Variants in TPM4 observed in about 807,000 individuals in gnomAD.
The protein encoded by TPM4 is tropomyosin 4, also known as tropomyosin alpha-4 chain.
Under a neutral mutation model 35.8 loss-of-function variants are expected in TPM4, and 17 were observed. The ratio of observed to expected loss-of-function variants is 0.47; its 90% confidence interval spans 0.32 to 0.71. The LOEUF is 0.71. Ranked by LOEUF, TPM4 falls within the 30% of genes least tolerant of loss-of-function variation. The pLI is 0.03. For missense variants in TPM4, 240 were observed against 320.9 expected (o/e 0.75, Z 1.93); for synonymous variants, 120 against 122.9 (o/e 0.98, Z 0.15).
upstream of TPM4, chr19:16,074,246 T>C (rs1246467473): frequency 6.6e-6 from 1 of 152,234 alleles, no homozygotes; most frequent in Non-Finnish European, 1.5e-5. Context: ...CCAAGGGCTT[T>C]GTCTTTGTCA....
chr19:16,093,361 A>G (rs2090652117), intron 5 of TPM4, among the ~76,000 whole-genome samples, 175 bp from the exon 6 acceptor site: 1 of 151,532 alleles, frequency 6.6e-6, no homozygotes, highest in East Asian at 1.9e-4. Flanking sequence ...AAGCCTGGCT[A>G]ATTTTTGTAT....
chr19:16,095,416 G>T, intron 7 of TPM4: 1 of 1,030,654 alleles, frequency 9.7e-7, no homozygotes, highest in Non-Finnish European at 1.2e-6. Flanking sequence ...GCTTCTAGGA[G>T]CTCCGGTGGC....
intron 1 of TPM4, chr19:16,080,384 T>C (rs1241219417): frequency 2.0e-5 from 4 of 204,820 alleles, no homozygotes; most frequent in Non-Finnish European, 4.0e-5. Flanking sequence ...CTCTGGCACA[T>C]CCCACCTGCT....
At chr19:16,080,164 C>T (rs879916287) in intron 1 of TPM4, 33 of 197,256 alleles carry the variant, frequency 1.7e-4, no homozygotes, top group Admixed American at 3.6e-4. Flanking sequence ...CGCCTTGCCT[C>T]GTAGCCCTGG....
chr19:16,075,688 G>A (rs2090396372), upstream of TPM4: 1 of 198,744 alleles, frequency 5.0e-6, no homozygotes. Context: ...CAGAGAATGA[G>A]ATTGCTTAAC....
intron 1 of TPM4, among the ~76,000 whole-genome samples, chr19:16,079,057 C>T (rs1490429727): frequency 1.3e-5 from 2 of 152,028 alleles, no homozygotes; most frequent in African/African-American, 4.8e-5. Context: ...GGGTGGAACC[C>T]AAAATGACTC....
chr19:16,090,407 C>T (rs530218004), intron 5 of TPM4, among the ~76,000 whole-genome samples: 40 of 151,672 alleles, frequency 2.6e-4, no homozygotes, highest in Middle Eastern at 6.8e-3. Flanking sequence ...CGTGGGCCAC[C>T]GTGCCTGGCT....
chr19:16,078,816 G>A (rs1209950616), intron 1 of TPM4, among the ~76,000 whole-genome samples: 1 of 132,696 alleles, frequency 7.5e-6, no homozygotes, highest in South Asian at 2.5e-4. Flanking sequence ...AAGGAACTAA[G>A]ACCAGGGGTG....
At chr19:16,078,844 A>C (rs1164147575) in intron 1 of TPM4, among the ~76,000 whole-genome samples, 11 of 151,882 alleles carry the variant, frequency 7.2e-5, no homozygotes, top group African/African-American at 2.2e-4. Context: ...AAAAAAAAAA[A>C]AAAAACCTTT....
In TPM4 at chr19:16,067,875, AG is replaced by A; in HGVS notation, c.114+141del. 1.3e-6 allele frequency: 1 copy of A among 783,550 alleles called. No homozygotes were observed. The highest frequency in any genetic ancestry group is 1.8e-5 in the South Asian group (1 of 54,574). The allele number at this position is 783,550 out of a possible 1,614,324, so 48.5% of individuals were successfully genotyped here. On this transcript the variant is annotated intron_variant, in intron 2 of 2. Transcript: ENST00000589897. The surrounding 1 kb of genome is among the most constrained non-coding windows in gnomAD (Gnocchi z 4.1). ...CTGATGCTTTGGCGGAGGAAGAGCG[AG>A]GGGACCATTGCCTTCCTTGGATGGG... is the stretch of plus-strand genomic sequence containing the variant.
At position 16,101,764 on chromosome 19, in the gene TPM4, T is replaced by A. The variant is rs2090765604; in HGVS notation, c.*418T>A. The stretch of plus-strand genomic sequence containing the variant: ...CATAACCTTTTGGGTCAACTGTTGG[T>A]CAAACTATAGGAGAGACCAGGGACC... On this transcript the variant is annotated 3_prime_UTR_variant, in exon 8 of 8. Coordinates refer to ENST00000643579, the MANE Select transcript of TPM4 (RefSeq NM_003290.3). 4.2e-6 allele frequency: 1 copy of A among 236,778 alleles called. No individual in the cohort carries two copies. Among genetic ancestry groups the A allele is most frequent in the South Asian group, 1.5e-4 (1 of 6,740 alleles). 14.7% of individuals were successfully genotyped at this position (236,778 alleles called of 1,614,324 possible). A position where few individuals can be genotyped will look rare whatever the true frequency, so the allele number is the denominator to read the frequency against.
intron 5 of TPM4, among the ~76,000 whole-genome samples, chr19:16,090,142 T>A (rs1324751734): frequency 6.6e-6 from 1 of 151,072 alleles, no homozygotes; most frequent in Non-Finnish European, 1.5e-5. Context: ...AGAGATGAGA[T>A]CTTGCTCTGT....
rs2090309390 is a variant in TPM4, at chr19:16,067,579, A to G, written c.-46A>G. 1 of 1,571,266 alleles carries G rather than the reference A, an allele frequency of 6.4e-7. No homozygotes were observed. Among genetic ancestry groups the G allele is most frequent in the African/African-American group, 1.4e-5 (1 of 73,822 alleles). Reference sequence around the variant, plus strand: ...ACAGCCCCTGACTGCCGCAGCCCCCACAGAGCCCGCCGCGCACCCCACGTC... The same window carrying G: ...ACAGCCCCTGACTGCCGCAGCCCCCGCAGAGCCCGCCGCGCACCCCACGTC... On this transcript the variant is annotated 5_prime_UTR_variant, in exon 2 of 3. Transcript: ENST00000589897. This position sits in a 1 kb window ranked among gnomAD's most constrained non-coding sequence, Gnocchi z 4.1.
rs1243397698 is a variant in TPM4, at chr19:16,101,358, G to A, written c.*12G>A. The A allele has an allele frequency of 2.5e-6, 4 of 1,574,334 alleles. No homozygotes were observed. Among genetic ancestry groups the A allele is most frequent in the Non-Finnish European group, 1.7e-6 (2 of 1,161,210 alleles). On this transcript the variant is annotated 3_prime_UTR_variant, in exon 8 of 8. Transcript: ENST00000643579. ...TTAACTGTATATAAGCAAAACAGAA[G>A]AGTCTTGTTCCAACAGAAACTCTGG...
Position 16,081,933 on chromosome 19 carries a change from C to T in TPM4, c.153C>T (p.Ala51=). Residue 51 remains alanine (A), a synonymous_variant, in exon 2 of 8, where the codon GCC becomes GCT. Coordinates refer to ENST00000643579, the MANE Select transcript of TPM4 (RefSeq NM_003290.3). ...RREKAEGDVA[A]LNRRIQLVEE... The stretch of plus-strand genomic sequence containing the variant: ...CCCAGGCTGAAGGTGATGTGGCCGC[C>T]CTCAACCGACGCATCCAGCTCGTTG... The T allele has an allele frequency of 6.2e-7, 1 of 1,600,316 alleles. No homozygotes were observed. Among genetic ancestry groups the T allele is most frequent in the Non-Finnish European group, 8.6e-7 (1 of 1,168,788 alleles).
chr19:16,084,000 C>T (rs906178793), intron 2 of TPM4, among the ~76,000 whole-genome samples: 3 of 152,106 alleles, frequency 2.0e-5, no homozygotes, highest in Non-Finnish European at 4.4e-5. Context: ...GATCTCAGCT[C>T]ACTACAAGCT....
intron 4 of TPM4, chr19:16,088,549 C>T (rs2090587723): frequency 9.6e-6 from 10 of 1,039,372 alleles, no homozygotes; most frequent in Admixed American, 4.9e-5. Context: ...AAGCAAGCAC[C>T]GAAAAACAAA....
At chr19:16,086,187 G>C (rs2090549417) in intron 2 of TPM4, among the ~76,000 whole-genome samples, 2 of 151,872 alleles carry the variant, frequency 1.3e-5, no homozygotes, top group Admixed American at 1.3e-4. Flanking sequence ...GACTAGGGGT[G>C]GTGTCTCACG....
rs1051077055 is a variant in TPM4 at position 16,070,793 on chromosome 19, T to C, written c.114+3055T>C. The stretch of plus-strand genomic sequence containing the variant: ...GGCTGCCCTAAGAGTATGTGGCACA[T>C]TCGTGCAGGCCAAGCCCCACCCCAG... On this transcript the variant is annotated intron_variant, in intron 2 of 2. Transcript: ENST00000589897. This position sits in a 1 kb window ranked among gnomAD's most constrained non-coding sequence, Gnocchi z 7.4. Among the ~76,000 whole-genome samples the C allele has an allele frequency of 2.0e-5, 3 of 151,158 alleles. No homozygotes were observed. Among genetic ancestry groups the C allele is most frequent in the African/African-American group, 7.3e-5 (3 of 41,092 alleles).
Sources: gnomAD v4.1 joint callset for allele counts (sites outside exome capture counted in the v4.1 genomes callset) on GRCh38, gnomAD v4.1.1 for gene constraint, Gnocchi (gnomAD v3.1) non-coding constraint, MANE v1.5 for transcripts, NCBI Gene and HGNC (gene_info 2026-07-23, HGNC 2026-07-21) for gene names.